The following SMCO1 variants were observed in gnomAD, a reference collection of about 807,000 sequenced individuals.
SMCO1 encodes single-pass membrane and coiled-coil domain-containing protein 1.
SMCO1 carries 9 observed loss-of-function variants against 7.5 expected under a neutral mutation model. The ratio of observed to expected loss-of-function variants is 1.20; its 90% CI spans 0.72 to 2.09. The LOEUF (loss-of-function observed/expected upper bound fraction) is 2.09, where lower values mean the gene tolerates loss of function less well. SMCO1 is among the 30% of genes most tolerant of loss of function. SMCO1 has a pLI of 0.00. For synonymous variants in SMCO1, 90 were observed against 93.8 expected, an observed-to-expected ratio of 0.96 and a Z score of 0.23; for missense variants, 219 against 253.1, an observed-to-expected ratio of 0.87 and a Z score of 0.91.
At chr3:196,512,101 G>A (rs1191398870) in intron 1 of SMCO1, among the ~76,000 whole-genome samples, 1 of 152,010 alleles carries the variant, frequency 6.6e-6, no homozygotes, top group Non-Finnish European at 1.5e-5. Context: ...GTCGTTATGA[G>A]GGAAACCTGC....
At chr3:196,517,104 C>CAAAAAA (rs56104987), upstream of SMCO1, among the ~76,000 whole-genome samples, 114 of 35,742 alleles carry the variant, frequency 3.2e-3, 23 homozygotes, top group African/African-American at 0.017. Context: ...GACTCCATCG[C>CAAAAAA]AAAAAAAAAA....
In SMCO1 at chr3:196,509,073, G is replaced by A. The variant is rs530626027; in HGVS notation, c.200+447C>T. 7.8e-4 allele frequency among the ~76,000 whole-genome samples: 117 copies of A among 150,668 alleles called. 4 individuals carry two copies. The South Asian group carries it at 0.022, about 28-fold the overall frequency. On this transcript the variant is annotated intron_variant, in intron 2 of 2. Coordinates refer to ENST00000397537, the MANE Select transcript of SMCO1 (RefSeq NM_001077657.3). The stretch of plus-strand genomic sequence containing the variant: ...TTAATCTTTTTTTTTTCTTTGAGAC[G>A]GAGTCTCGCTTTGTCACCCAGGCTG...
At chr3:196,512,270 T>C (rs1181789146) in intron 1 of SMCO1, among the ~76,000 whole-genome samples, 2 of 152,044 alleles carry the variant, frequency 1.3e-5, no homozygotes, top group Non-Finnish European at 2.9e-5. Flanking sequence ...CTGGGCCAAG[T>C]AGATTGTTGT....
upstream of SMCO1, among the ~76,000 whole-genome samples, chr3:196,515,835 C>T (rs1733369046): frequency 6.7e-6 from 1 of 150,332 alleles, no homozygotes; most frequent in African/African-American, 2.4e-5. Flanking sequence ...ACTGTCTCCA[C>T]AAAAAATACA....
upstream of SMCO1, among the ~76,000 whole-genome samples, chr3:196,516,382 A>G (rs2108664911): frequency 6.6e-6 from 1 of 152,122 alleles, no homozygotes; most frequent in South Asian, 2.1e-4. Context: ...ATCAGAGAAG[A>G]GTGTTAAGGG....
chr3:196,508,440 G>T, intron 2 of SMCO1, 109 bp from the exon 3 acceptor site: 1 of 780,908 alleles, frequency 1.3e-6, no homozygotes, highest in Non-Finnish European at 1.9e-6. Flanking sequence ...AGAACCAGCT[G>T]TTGTAATTTA....
intron 1 of SMCO1, among the ~76,000 whole-genome samples, chr3:196,513,322 C>T (rs185838400): frequency 6.8e-6 from 1 of 147,806 alleles, no homozygotes; most frequent in African/African-American, 2.6e-5. Context: ...CAGCAAGACC[C>T]TGTGTCAAAA....
At chr3:196,516,108 T>A (rs1393761287), upstream of SMCO1, among the ~76,000 whole-genome samples, 1 of 143,774 alleles carries the variant, frequency 7.0e-6, no homozygotes, top group Non-Finnish European at 1.5e-5. Context: ...TATAATTTTA[T>A]ATAATTATAT....
chr3:196,515,996 T>G (rs1364361194), upstream of SMCO1, among the ~76,000 whole-genome samples: 1 of 68,410 alleles, frequency 1.5e-5, no homozygotes, highest in Non-Finnish European at 2.4e-5. Flanking sequence ...AGGATATATA[T>G]ATATATATAT....
intron 2 of SMCO1, among the ~76,000 whole-genome samples, chr3:196,508,595 T>C (rs1733121795): frequency 6.6e-6 from 1 of 150,638 alleles, no homozygotes; most frequent in South Asian, 2.2e-4. Flanking sequence ...CCCAGAGTGC[T>C]GGGATTAAAG....
In SMCO1 at chr3:196,514,574, C is replaced by T. The variant is rs182139966; in HGVS notation, c.50+586G>A. 3.3e-3 allele frequency among the ~76,000 whole-genome samples: 500 copies of T among 152,306 alleles called. 1 individual carries two copies. The highest frequency in any genetic ancestry group is 5.8e-3 in the Non-Finnish European group (393 of 68,034). On this transcript the variant is annotated intron_variant, in intron 1 of 2. Coordinates refer to ENST00000397537, the MANE Select transcript of SMCO1 (RefSeq NM_001077657.3). ...AAATGTTTTTCAAACTTTTCTCTTTCCTACAGGCTGTGAGCTCCTTGAGGG... is the reference window on the plus strand; with the variant it reads ...AAATGTTTTTCAAACTTTTCTCTTTTCTACAGGCTGTGAGCTCCTTGAGGG...
upstream of SMCO1, among the ~76,000 whole-genome samples, chr3:196,516,317 A>G (rs1733389241): frequency 2.6e-5 from 4 of 151,722 alleles, no homozygotes; most frequent in Admixed American, 2.6e-4. Context: ...CCTTGGGGAG[A>G]TATTCACCCT....
At chr3:196,516,797 G>A (rs1237359661), upstream of SMCO1, among the ~76,000 whole-genome samples, 2 of 152,042 alleles carry the variant, frequency 1.3e-5, no homozygotes, top group Non-Finnish European at 2.9e-5. Context: ...TGAGCTGTTG[G>A]TTCTAGAAGA....
intron 1 of SMCO1, among the ~76,000 whole-genome samples, chr3:196,513,644 A>AG (rs1560285072): frequency 6.6e-6 from 1 of 151,758 alleles, no homozygotes; most frequent in African/African-American, 2.4e-5. Flanking sequence ...AAAAAAAAAA[A>AG]AAAAGCCATT....
chr3:196,507,048 G>T lies in SMCO1; in HGVS notation c.*839C>A, dbSNP rs1733063325. ...GCTATGCTTGACAAAGCACCATTCA[G>T]AAATAGGCACGATAGTGTAGAGGAC... On this transcript the variant is annotated 3_prime_UTR_variant, in exon 3 of 3. Coordinates refer to ENST00000397537, the MANE Select transcript of SMCO1 (RefSeq NM_001077657.3). 6.6e-6 allele frequency: 1 copy of T among 152,230 alleles called. No individual in the cohort carries two copies. The highest frequency in any genetic ancestry group is 1.5e-5 in the Non-Finnish European group (1 of 68,064). 9.4% of individuals were successfully genotyped at this position (152,230 alleles called of 1,614,324 possible).
upstream of SMCO1, among the ~76,000 whole-genome samples, chr3:196,520,305 T>C (rs1733469916): frequency 6.6e-6 from 1 of 152,216 alleles, no homozygotes; most frequent in Non-Finnish European, 1.5e-5. Flanking sequence ...CCCAGATCTT[T>C]ACAAGTTTTG....
intron 1 of SMCO1, among the ~76,000 whole-genome samples, chr3:196,510,172 A>G (rs1216405724): frequency 6.6e-6 from 1 of 152,032 alleles, no homozygotes; most frequent in Non-Finnish European, 1.5e-5. Context: ...AGGTATTGCT[A>G]TGTTTGGCTG....
intron 2 of SMCO1, among the ~76,000 whole-genome samples, 166 bp downstream of exon 2, chr3:196,509,354 G>T (rs1453915940): frequency 1.3e-5 from 2 of 151,418 alleles, no homozygotes; most frequent in African/African-American, 4.9e-5. Context: ...GTGAGCCACT[G>T]TGCCCGGCCA....
intron 1 of SMCO1, among the ~76,000 whole-genome samples, chr3:196,511,279 C>T (rs1733220376): frequency 1.4e-5 from 2 of 143,670 alleles, no homozygotes; most frequent in Non-Finnish European, 3.0e-5. Flanking sequence ...CCTAGATTGT[C>T]CTTATGAGGG....
Sources: allele counts gnomAD v4.1 joint callset (sites outside exome capture counted in the v4.1 genomes callset), GRCh38; gene constraint gnomAD v4.1.1; transcripts MANE v1.5; gene names NCBI Gene and HGNC (gene_info 2026-07-23, HGNC 2026-07-21).